Variants in CSTF2 observed in about 807,000 individuals in gnomAD.
CSTF2 encodes cleavage stimulation factor subunit 2.
CSTF2 carries 8 observed loss-of-function variants against 45.4 expected under a neutral mutation model. The ratio of observed to expected loss-of-function variants is 0.18; its 90% CI spans 0.10 to 0.32. CSTF2 has a LOEUF of 0.32. Ranked by LOEUF, CSTF2 falls within the 10% of genes least tolerant of loss-of-function variation. CSTF2 has a pLI of 1.00. For synonymous variants in CSTF2, 155 were observed against 158.9 expected, an observed-to-expected ratio of 0.98 and a Z score of 0.18; for missense variants, 253 against 477.1, an observed-to-expected ratio of 0.53 and a Z score of 4.38.
At chrX:100,820,585 C>A in intron 1 of CSTF2, 111 bp downstream of exon 1, 2 of 823,775 alleles carry the variant, frequency 2.4e-6, no homozygotes, top group Non-Finnish European at 3.6e-6. Context: ...GTTCTCCCTG[C>A]TTATCCTGTA....
chrX:100,828,192 A>G (rs2084954929), intron 8 of CSTF2, 90 bp downstream of exon 8: 3 of 629,959 alleles, frequency 4.8e-6, no homozygotes, highest in Admixed American at 7.9e-5. Context: ...CTAACCACCC[A>G]TGGCTATTTC....
chrX:100,837,482 A>G, intron 12 of CSTF2, 33 bp downstream of exon 12: 6 of 990,104 alleles, frequency 6.1e-6, no homozygotes, highest in Non-Finnish European at 8.6e-6. Flanking sequence ...CTCCTTATGC[A>G]CAATTCTAGC....
At chrX:100,831,686 A>C (rs777641873) in intron 9 of CSTF2, 30 bp downstream of exon 9, 1 of 1,196,455 alleles carries the variant, frequency 8.4e-7, no homozygotes, top group East Asian at 3.0e-5. Context: ...GAAACAGTTG[A>C]AGAAATCAGA....
intron 11 of CSTF2, among the ~76,000 whole-genome samples, chrX:100,836,959 G>A (rs978792006): frequency 2.5e-4 from 28 of 111,754 alleles, no homozygotes; most frequent in Non-Finnish European, 3.6e-4. Flanking sequence ...AACTTCCCCA[G>A]TGGACCAGCA....
intron 13 of CSTF2, 121 bp downstream of exon 13, chrX:100,838,485 T>G: frequency 2.5e-5 from 15 of 600,845 alleles, no homozygotes; most frequent in Non-Finnish European, 3.6e-5. Flanking sequence ...AGCTAGACTC[T>G]TCTTTACCCT....
intron 6 of CSTF2, among the ~76,000 whole-genome samples, chrX:100,826,093 C>G (rs909221274): frequency 2.0e-4 from 22 of 111,132 alleles, no homozygotes; most frequent in South Asian, 3.8e-4. Context: ...ATGACATTCT[C>G]TTTTTCTCAA....
Position 100,841,355 on chromosome X carries a change from C to T in CSTF2, c.*645C>T, listed in dbSNP as rs1236229045. Among the ~76,000 whole-genome samples the T allele has an allele frequency of 2.7e-5, 3 of 112,115 alleles. No homozygotes were observed. Among genetic ancestry groups the T allele is most frequent in the Non-Finnish European group, 5.6e-5 (3 of 53,270 alleles). Reference sequence around the variant, plus strand: ...GAACATGTATAATTCAGAGTTAAGACAAAAATTGTTTTAGCACTGGTTTGA... The same window carrying T: ...GAACATGTATAATTCAGAGTTAAGATAAAAATTGTTTTAGCACTGGTTTGA... On this transcript the variant is annotated 3_prime_UTR_variant, in exon 14 of 14. Transcript: ENST00000372972.
chrX:100,822,520 GCC>G (rs2084924099), intron 3 of CSTF2, 100 bp downstream of exon 3: 3 of 862,972 alleles, frequency 3.5e-6, no homozygotes, highest in Non-Finnish European at 5.0e-6. Flanking sequence ...GAAATGGTTA[GCC>G]ACGCAGCTTG....
At chrX:100,821,849 T>C (rs959804030) in intron 2 of CSTF2, among the ~76,000 whole-genome samples, 2 of 112,288 alleles carry the variant, frequency 1.8e-5, no homozygotes, top group African/African-American at 6.5e-5. Flanking sequence ...ATCCCAGCAC[T>C]TTGGGAGGCC....
Position 100,824,134 on chromosome X carries a change from C to T in CSTF2, c.579C>T (p.Arg193=), listed in dbSNP as rs2084932578. The change falls in exon 6 of 14, where the codon CGC becomes CGT. Residue 193 remains arginine, a synonymous_variant. Transcript: ENST00000372972. The part of the protein sequence containing the change: ...DPEIALKILH[R]QTNIPTLIAG... ...TCACTTTTTAGAAAATTCTGCATCG[C>T]CAGACAAATATCCCAACGCTGATTG... The T allele has an allele frequency of 8.3e-7, 1 of 1,209,845 alleles. No individual in the cohort carries two copies. The highest frequency in any genetic ancestry group is 2.2e-5 in the Admixed American group (1 of 45,720).
chrX:100,837,222 A>G (rs2085014183), intron 11 of CSTF2, 117 bp from the exon 12 acceptor site: 2 of 417,513 alleles, frequency 4.8e-6, no homozygotes, highest in Non-Finnish European at 8.1e-6. Flanking sequence ...AGAGTCATTG[A>G]TTTGCTTTTT....
At chrX:100,825,267 T>A (rs1232056650) in intron 6 of CSTF2, among the ~76,000 whole-genome samples, 1 of 111,889 alleles carries the variant, frequency 8.9e-6, no homozygotes, top group Non-Finnish European at 1.9e-5. Context: ...TTTCCTAAGC[T>A]GGGTGGCTAT....
intron 9 of CSTF2, 125 bp from the exon 10 acceptor site, chrX:100,832,609 G>A (rs2084982558): frequency 3.7e-6 from 2 of 545,764 alleles, no homozygotes; most frequent in African/African-American, 2.3e-5. Context: ...TCTATTTGGT[G>A]TTATTTTCTT....
intron 13 of CSTF2, 84 bp downstream of exon 13, chrX:100,838,448 G>A (rs2085022056): frequency 7.3e-6 from 7 of 954,043 alleles, no homozygotes; most frequent in Non-Finnish European, 9.7e-6. Flanking sequence ...CAACAAGATT[G>A]TTCTCTCAGC....
rs2085021397 is a variant in CSTF2 at position 100,838,274 on chromosome X, A to G, written c.1647A>G (p.Ala549=). ...TTATGCAGGTTCTACAACTGACTGC[A>G]GACCAGATTGCCATGTTGCCTCCTG... The part of the protein sequence containing the change: ...ALIMQVLQLT[A]DQIAMLPPEQ... The change falls in exon 13 of 14, where the codon GCA becomes GCG. Residue 549 remains alanine (A), a synonymous_variant. Transcript: ENST00000372972. The G allele has an allele frequency of 8.3e-7, 1 of 1,204,651 alleles. No individual in the cohort carries two copies. The highest frequency in any genetic ancestry group is 1.1e-6 in the Non-Finnish European group (1 of 892,020).
chrX:100,823,691 T>C (rs1422630315), intron 4 of CSTF2, among the ~76,000 whole-genome samples, 195 bp from the exon 5 acceptor site: 1 of 112,561 alleles, frequency 8.9e-6, no homozygotes, highest in African/African-American at 3.2e-5. Context: ...TTGGCTTTTT[T>C]CCTAAATGAT....
chrX:100,836,018 C>T (rs754367538), intron 11 of CSTF2, among the ~76,000 whole-genome samples: 11 of 111,493 alleles, frequency 9.9e-5, no homozygotes, highest in Non-Finnish European at 1.7e-4. Flanking sequence ...CATAATAGCT[C>T]GTTAATGTTC....
At chrX:100,822,595 A>C in intron 3 of CSTF2, 175 bp downstream of exon 3, 1 of 462,909 alleles carries the variant, frequency 2.2e-6, no homozygotes. Context: ...CTTTTTAAAA[A>C]CTTTTTATAA....
At chrX:100,828,018 T>C (rs1290798856) in intron 7 of CSTF2, 22 bp from the exon 8 acceptor site, 3 of 1,190,825 alleles carry the variant, frequency 2.5e-6, no homozygotes, top group African/African-American at 3.5e-5. Flanking sequence ...GTGTTTTTTC[T>C]TGTCTGCCCT....
Sources: gnomAD v4.1 joint callset for allele counts (sites outside exome capture counted in the v4.1 genomes callset) on GRCh38, gnomAD v4.1.1 for gene constraint, MANE v1.5 for transcripts, NCBI Gene and HGNC (gene_info 2026-07-23, HGNC 2026-07-21) for gene names.